CCDC7: variants seen among roughly 807,000 people sequenced by gnomAD.
CCDC7 encodes the protein coiled-coil domain containing 7.
A neutral mutation model predicts 196.9 loss-of-function variants in CCDC7; 183 were observed. The observed-to-expected ratio is 0.93, with a 90% confidence interval of 0.82 to 1.05. The LOEUF is 1.05. Ranked by LOEUF, CCDC7 falls within the 50% of genes least tolerant of loss-of-function variation. The pLI, the probability that CCDC7 is intolerant of heterozygous loss-of-function variation, is 0.00. For missense variants in CCDC7, 1,540 were observed against 1,482.2 expected, an observed-to-expected ratio of 1.04 and a Z score of -0.64; for synonymous variants, 525 against 484.6, an observed-to-expected ratio of 1.08 and a Z score of -1.10.
At chr10:32,698,420 G>C (rs1401092445) in intron 24 of CCDC7, among the ~76,000 whole-genome samples, 2 of 152,132 alleles carry the variant, frequency 1.3e-5, no homozygotes, top group Admixed American at 1.3e-4. Flanking sequence ...AAAGGAGGAT[G>C]CTCGAACCCA....
At chr10:32,527,600 A>G (rs982495600) in intron 11 of CCDC7, among the ~76,000 whole-genome samples, 14 of 152,180 alleles carry the variant, frequency 9.2e-5, no homozygotes, top group Non-Finnish European at 2.1e-4. Flanking sequence ...CACATTTCTA[A>G]TACTATATAA....
chr10:32,847,240 G>A (rs147601714), intron 37 of CCDC7, among the ~76,000 whole-genome samples: 15 of 152,270 alleles, frequency 9.9e-5, no homozygotes, highest in Non-Finnish European at 2.1e-4. Context: ...ACAAGCCCCA[G>A]ATAGAGGAGG....
intron 41 of CCDC7, among the ~76,000 whole-genome samples, chr10:32,864,042 AT>A (rs2094114956): frequency 2.0e-5 from 3 of 151,696 alleles, no homozygotes. Flanking sequence ...TAATATCCTA[AT>A]TTTATAAGGA....
At chr10:32,471,380 T>G in intron 6 of CCDC7, 150 bp downstream of exon 7, 2 of 935,686 alleles carry the variant, frequency 2.1e-6, no homozygotes, top group Non-Finnish European at 3.0e-6. Context: ...TATTTGCAAT[T>G]TTAAATAATC....
chr10:32,692,033 TA>T lies in CCDC7; in HGVS notation c.2345-2843del, dbSNP rs369217448. ...AATATGCCCCTTTCACTCCCTAAGT[TA>T]AACAAGATTATTGCTTTATTGTGAA... On this transcript the variant is annotated intron_variant, in intron 23 of 41. Coordinates refer to ENST00000639629, the Ensembl canonical transcript of CCDC7. 7.2e-5 allele frequency among the ~76,000 whole-genome samples: 11 copies of T among 152,332 alleles called. No individual in the cohort carries two copies. The East Asian group carries it at 1.5e-3, about 21-fold the overall frequency.
intron 18 of CCDC7, among the ~76,000 whole-genome samples, chr10:32,622,255 T>G (rs2063500691): frequency 6.6e-6 from 1 of 152,188 alleles, no homozygotes; most frequent in Admixed American, 6.5e-5. Context: ...CCTATCTACT[T>G]GCTCTGGCTA....
At chr10:32,778,147 C>T (rs2080418189) in intron 28 of CCDC7, among the ~76,000 whole-genome samples, 1 of 152,006 alleles carries the variant, frequency 6.6e-6, no homozygotes, top group Non-Finnish European at 1.5e-5. Context: ...CTGTCTAATC[C>T]GTTGATAGTT....
At chr10:32,847,763 G>A in intron 37 of CCDC7, 70 bp from the exon 39 acceptor site, 6 of 900,620 alleles carry the variant, frequency 6.7e-6, no homozygotes, top group African/African-American at 3.5e-5. Flanking sequence ...AAAGAAAAAA[G>A]AACTAAAATA....
intron 20 of CCDC7, among the ~76,000 whole-genome samples, chr10:32,646,086 T>A (rs527384170): frequency 5.9e-5 from 9 of 151,782 alleles, no homozygotes; most frequent in Admixed American, 6.6e-5. Flanking sequence ...GATTGTTCTT[T>A]TTTTTTTAGT....
intron 16 of CCDC7, among the ~76,000 whole-genome samples, chr10:32,581,887 A>C (rs547167908): frequency 5.3e-5 from 8 of 152,010 alleles, no homozygotes; most frequent in African/African-American, 1.9e-4. Flanking sequence ...AACTGTAACA[A>C]ATAGTGTCCA....
chr10:32,489,558 A>G (rs1030518361), intron 8 of CCDC7, among the ~76,000 whole-genome samples: 1 of 152,214 alleles, frequency 6.6e-6, no homozygotes, highest in African/African-American at 2.4e-5. Flanking sequence ...TATATTATAC[A>G]TGTGCATGGT....
At position 32,727,317 on chromosome 10, in the gene CCDC7, C is replaced by T. The variant is rs183779798; in HGVS notation, c.2668+485C>T. ...GCCCTAGGGCATTTTGTTGGTTGAG[C>T]GCCACACAAAAGTAAGGTCTTCTTG... On this transcript the variant is annotated intron_variant, in intron 26 of 41. Transcript: ENST00000639629. 1.9e-3 allele frequency among the ~76,000 whole-genome samples: 295 copies of T among 152,198 alleles called. 1 individual carries two copies. Among genetic ancestry groups the T allele is most frequent in the East Asian group, 9.7e-4 (5 of 5,178 alleles).
intron 8 of CCDC7, among the ~76,000 whole-genome samples, chr10:32,485,335 G>T (rs2040830103): frequency 6.6e-6 from 1 of 152,172 alleles, no homozygotes; most frequent in African/African-American, 2.4e-5. Flanking sequence ...AGGATTGGTG[G>T]TGATATCCCC....
intron 33 of CCDC7, 75 bp from the exon 35 acceptor site, chr10:32,845,168 T>C: frequency 1.2e-6 from 1 of 822,208 alleles, no homozygotes; most frequent in South Asian, 2.0e-5. Context: ...CCTCCTATAA[T>C]TAAACACATA....
At chr10:32,743,690 G>A (rs1204531839) in intron 28 of CCDC7, among the ~76,000 whole-genome samples, 2 of 152,010 alleles carry the variant, frequency 1.3e-5, no homozygotes, top group Non-Finnish European at 2.9e-5. Context: ...ACATGCACAC[G>A]TATGTTTATT....
chr10:32,756,902 G>A (rs1037922229), intron 28 of CCDC7, among the ~76,000 whole-genome samples: 1 of 152,172 alleles, frequency 6.6e-6, no homozygotes, highest in Non-Finnish European at 1.5e-5. Flanking sequence ...AGGGATGGAG[G>A]AAGATCTGCC....
chr10:32,747,786 T>C (rs2075033566), intron 28 of CCDC7, among the ~76,000 whole-genome samples: 1 of 152,224 alleles, frequency 6.6e-6, no homozygotes. Context: ...TCAGCCACTC[T>C]GGGAAGCAGT....
intron 18 of CCDC7, among the ~76,000 whole-genome samples, chr10:32,586,103 A>T (rs929073869): frequency 3.5e-4 from 54 of 152,128 alleles, no homozygotes; most frequent in African/African-American, 1.2e-3. Context: ...TGTGGTTTTG[A>T]TTTGCATTTC....
chr10:32,834,949 A>AG, intron 33 of CCDC7, 51 bp downstream of exon 34: 2 of 731,228 alleles, frequency 2.7e-6, no homozygotes, highest in Non-Finnish European at 2.3e-6. Context: ...TTTAGCTCTG[A>AG]AGTTAAATAT....
Sources: allele counts gnomAD v4.1 joint callset (sites outside exome capture counted in the v4.1 genomes callset), GRCh38; gene constraint gnomAD v4.1.1; transcripts MANE v1.5; gene names NCBI Gene and HGNC (gene_info 2026-07-23, HGNC 2026-07-21).